Variants in DORIP1 observed in about 807,000 individuals in gnomAD.
The protein encoded by DORIP1 is dopamine receptor interacting protein 1, also known as dopamine receptor-interacting protein 1.
the DORIP1 span, among the ~76,000 whole-genome samples, chr14:44,899,831 T>C: frequency 2.8e-5 from 4 of 141,888 alleles, no homozygotes; most frequent in Non-Finnish European, 6.1e-5. Context: ...GGAATTTTTT[T>C]TTTTTTTTTT....
chr14:44,902,915 C>T, the DORIP1 span, among the ~76,000 whole-genome samples: 3 of 152,182 alleles, frequency 2.0e-5, no homozygotes, highest in East Asian at 1.9e-4. Context: ...TTCCTTCCCA[C>T]GAGACCAGAT....
At chr14:44,903,075 T>C in the DORIP1 span, 17,749 of 576,950 alleles carry the variant, frequency 0.031, 1,163 homozygotes, top group African/African-American at 0.2. Flanking sequence ...CAAGAAATTC[T>C]GAATGTGTCA....
the DORIP1 span, among the ~76,000 whole-genome samples, chr14:44,897,918 G>A: frequency 1.3e-5 from 2 of 152,300 alleles, no homozygotes; most frequent in South Asian, 4.1e-4. Context: ...GATTTGAGAG[G>A]GGACTTTTAG....
At chr14:44,898,156 C>T in the DORIP1 span, among the ~76,000 whole-genome samples, 1 of 152,210 alleles carries the variant, frequency 6.6e-6, no homozygotes, top group Non-Finnish European at 1.5e-5. Context: ...CTTCTAATTA[C>T]AGTTCCTAGC....
At chr14:44,904,288 T>G in the DORIP1 span, 1 of 1,493,430 alleles carries the variant, frequency 6.7e-7, no homozygotes, top group Non-Finnish European at 8.9e-7. Context: ...TACCTACACC[T>G]ATAATAGATA....
chr14:44,900,655 GA>G, the DORIP1 span: 2 of 1,607,620 alleles, frequency 1.2e-6, no homozygotes, highest in East Asian at 4.5e-5. Context: ...TAATGAAAAT[GA>G]AAACTTCCCT....
the DORIP1 span, among the ~76,000 whole-genome samples, chr14:44,901,381 C>T: frequency 2.6e-5 from 4 of 152,164 alleles, no homozygotes; most frequent in South Asian, 2.1e-4. Flanking sequence ...AGTACAGAGC[C>T]TTTATAATTA....
the DORIP1 span, chr14:44,899,216 A>G: frequency 2.0e-5 from 3 of 152,246 alleles, no homozygotes; most frequent in African/African-American, 7.2e-5. Context: ...CAACATATTT[A>G]TTAAAATACT....
chr14:44,905,241 G>A, the DORIP1 span: 1 of 568,666 alleles, frequency 1.8e-6, no homozygotes, highest in Non-Finnish European at 2.9e-6. Flanking sequence ...TATAGAGATG[G>A]ATATCTTTTT....
At chr14:44,904,495 T>A in the DORIP1 span, 2 of 1,610,982 alleles carry the variant, frequency 1.2e-6, no homozygotes, top group East Asian at 4.5e-5. Context: ...AGATCTGGCG[T>A]ATGTACCCTA....
chr14:44,898,491 C>T, the DORIP1 span, among the ~76,000 whole-genome samples: 1 of 152,270 alleles, frequency 6.6e-6, no homozygotes, highest in Non-Finnish European at 1.5e-5. Flanking sequence ...GGAATCCGAA[C>T]TCAGGCTCTT....
chr14:44,900,692 G>A, the DORIP1 span: 6 of 1,613,376 alleles, frequency 3.7e-6, no homozygotes, highest in Non-Finnish European at 5.1e-6. Context: ...CATTTTGGTA[G>A]AGAGTTTGTA....
At chr14:44,904,943 A>G in the DORIP1 span, 4 of 170,436 alleles carry the variant, frequency 2.3e-5, no homozygotes, top group Admixed American at 6.1e-5. Flanking sequence ...ATAATAGCAC[A>G]GTATTTTGTG....
the DORIP1 span, chr14:44,901,010 T>G: frequency 1.1e-5 from 17 of 1,513,038 alleles, no homozygotes; most frequent in Non-Finnish European, 1.5e-5. Flanking sequence ...TTAATGAATG[T>G]TGCTTTAGAT....
the DORIP1 span, chr14:44,903,418 G>C: frequency 1.5e-4 from 214 of 1,458,934 alleles, 3 homozygotes; most frequent in Middle Eastern, 1.9e-3. Flanking sequence ...ACATTTTACA[G>C]TGTTTTTGTT....
At chr14:44,901,343 A>G in the DORIP1 span, among the ~76,000 whole-genome samples, 15 of 152,352 alleles carry the variant, frequency 9.8e-5, no homozygotes, top group East Asian at 2.7e-3. Context: ...TGGATGACAA[A>G]TGACAATATT....
chr14:44,904,091 A>G, the DORIP1 span: 1 of 985,356 alleles, frequency 1.0e-6, no homozygotes. Flanking sequence ...CAGCATATAG[A>G]GTGAAATATA....
chr14:44,904,313 A>G, the DORIP1 span: 1 of 1,507,268 alleles, frequency 6.6e-7, no homozygotes, highest in Non-Finnish European at 8.8e-7. Flanking sequence ...TAAGAAAATT[A>G]AAGTCATAAA....
the DORIP1 span, chr14:44,904,566 TAA>T: frequency 6.5e-7 from 1 of 1,532,672 alleles, no homozygotes; most frequent in South Asian, 1.3e-5. Context: ...ATAAAACTAA[TAA>T]AAAAAATTTA....
Sources: gnomAD v4.1 joint callset for allele counts (sites outside exome capture counted in the v4.1 genomes callset) on GRCh38, gnomAD v4.1.1 for gene constraint, MANE v1.5 for transcripts, NCBI Gene and HGNC (gene_info 2026-07-23, HGNC 2026-07-21) for gene names.